ARID1B: variants seen among roughly 807,000 people sequenced by gnomAD.
ARID1B encodes the protein AT-rich interactive domain-containing protein 1B.
In ARID1B, 30 loss-of-function variants were observed where a neutral mutation model predicts 212.3. The ratio of observed to expected loss-of-function variants is 0.14; its 90% CI spans 0.11 to 0.19. ARID1B has a LOEUF of 0.19. ARID1B is among the 10% of genes least tolerant of loss of function. ARID1B has a pLI of 1.00. For synonymous variants in ARID1B, 1,402 were observed against 1,301.7 expected, an observed-to-expected ratio of 1.08 and a Z score of -1.66; for missense variants, 2,891 against 3,204.0, an observed-to-expected ratio of 0.90 and a Z score of 2.36.
intron 5 of ARID1B, among the ~76,000 whole-genome samples, chr6:157,089,786 C>A (rs187639496): frequency 2.0e-5 from 3 of 152,124 alleles, no homozygotes; most frequent in Admixed American, 1.3e-4. Flanking sequence ...ATATACTATA[C>A]ATTTAAATTA....
intron 2 of ARID1B, 117 bp from the exon 3 acceptor site, chr6:156,901,259 A>G: frequency 1.8e-6 from 2 of 1,142,176 alleles, no homozygotes. Flanking sequence ...GATTAGAAAT[A>G]TTGAGTTTAG....
intron 1 of ARID1B, among the ~76,000 whole-genome samples, chr6:156,801,910 A>G (rs1421669051): frequency 6.6e-6 from 1 of 152,214 alleles, no homozygotes; most frequent in African/African-American, 2.4e-5. Flanking sequence ...TGGTGTGGAA[A>G]AAAAATCGAA....
chr6:156,997,888 A>C (rs1778689391), intron 4 of ARID1B, among the ~76,000 whole-genome samples: 1 of 152,226 alleles, frequency 6.6e-6, no homozygotes, highest in South Asian at 2.1e-4. Context: ...TAAAGACATC[A>C]TTATCCCAGG....
chr6:156,995,672 C>T (rs968421741), intron 4 of ARID1B, among the ~76,000 whole-genome samples: 3 of 152,142 alleles, frequency 2.0e-5, no homozygotes, highest in African/African-American at 7.2e-5. Flanking sequence ...TGACAGAGTG[C>T]CCAAATATTC....
In ARID1B at chr6:156,794,901, G is replaced by A. The variant is rs571243991; in HGVS notation, c.1791+15430G>A. The stretch of plus-strand genomic sequence containing the variant: ...CCTGGCCCACATTCTTATAATTCAG[G>A]AGCTTTTAGTGTATTTTGGCTCTGT... On this transcript the variant is annotated intron_variant, in intron 1 of 19. Coordinates refer to ENST00000636930, the MANE Select transcript of ARID1B (RefSeq NM_001374828.1). Among the ~76,000 whole-genome samples the A allele has an allele frequency of 4.6e-5, 7 of 152,184 alleles. No individual in the cohort carries two copies. In the South Asian group the frequency reaches 1.5e-3, roughly 32 times the overall value.
At chr6:156,891,413 T>C (rs1012495210) in intron 2 of ARID1B, among the ~76,000 whole-genome samples, 1 of 151,996 alleles carries the variant, frequency 6.6e-6, no homozygotes, top group Non-Finnish European at 1.5e-5. Flanking sequence ...GTTATACTTT[T>C]TGATAACTCT....
chr6:156,984,182 A>T lies in ARID1B; in HGVS notation c.2247+48606A>T, dbSNP rs147336759. On this transcript the variant is annotated intron_variant, in intron 4 of 19. Transcript: ENST00000636930. ...CAGGAGGTATCAGGACAAACCTTGG[A>T]GATGGGAAACAGCACAGCAAGGCAT... Among the ~76,000 whole-genome samples the T allele has an allele frequency of 4.7e-3, 715 of 152,226 alleles. 6 individuals carry two copies. The highest frequency in any genetic ancestry group is 0.017 in the Middle Eastern group (5 of 294).
chr6:157,205,391 G>A (rs1479681359), intron 19 of ARID1B: 2 of 152,242 alleles, frequency 1.3e-5, no homozygotes, highest in African/African-American at 4.8e-5. Context: ...AGAGAGGGCA[G>A]TTGCTAATCG....
At position 157,091,898 on chromosome 6, in the gene ARID1B, G is replaced by T. The variant is rs564447672; in HGVS notation, c.2491+6993G>T. 2.6e-5 allele frequency among the ~76,000 whole-genome samples: 4 copies of T among 152,232 alleles called. No homozygotes were observed. The South Asian group carries it at 8.3e-4, about 32-fold the overall frequency. On this transcript the variant is annotated intron_variant, in intron 5 of 19. Coordinates refer to ENST00000636930, the MANE Select transcript of ARID1B (RefSeq NM_001374828.1). ...TTGTACTGACAGAAATTTTTTATTT[G>T]AAAGTCTGCATAATCATCTTACCTA...
At chr6:156,819,450 C>T (rs1278990494) in intron 1 of ARID1B, among the ~76,000 whole-genome samples, 2 of 152,152 alleles carry the variant, frequency 1.3e-5, no homozygotes, top group Admixed American at 6.5e-5. Context: ...AAAATTATTA[C>T]ATTTGCTAAA....
chr6:157,181,308 T>C, intron 12 of ARID1B, 130 bp downstream of exon 12: 1 of 1,171,024 alleles, frequency 8.5e-7, no homozygotes, highest in Non-Finnish European at 1.2e-6. Context: ...AAAGTCGCCT[T>C]CTTGCAACCC....
intron 4 of ARID1B, among the ~76,000 whole-genome samples, chr6:156,987,196 A>ACC (rs1777976123): frequency 7.1e-6 from 1 of 141,726 alleles, no homozygotes; most frequent in Non-Finnish European, 1.6e-5. Flanking sequence ...AGAGAGAGAG[A>ACC]GACCCTGTCT....
chr6:156,900,615 G>A (rs1016101492), intron 2 of ARID1B, among the ~76,000 whole-genome samples: 1 of 152,088 alleles, frequency 6.6e-6, no homozygotes, highest in Non-Finnish European at 1.5e-5. Flanking sequence ...ACAGAAAAAG[G>A]CAATAGATTT....
intron 2 of ARID1B, among the ~76,000 whole-genome samples, chr6:156,883,620 C>G (rs10457100): frequency 0.023 from 3,544 of 152,246 alleles, 65 homozygotes; most frequent in South Asian, 0.054. Context: ...GCCCACGCTC[C>G]CCACAGCATG....
At chr6:157,082,247 A>C (rs1583275174) in intron 4 of ARID1B, among the ~76,000 whole-genome samples, 1 of 152,288 alleles carries the variant, frequency 6.6e-6, no homozygotes, top group Non-Finnish European at 1.5e-5. Flanking sequence ...CCCCCAAGGA[A>C]TAGGCAAAGG....
chr6:156,971,866 T>G (rs1776953987), intron 4 of ARID1B, among the ~76,000 whole-genome samples: 1 of 152,168 alleles, frequency 6.6e-6, no homozygotes, highest in Non-Finnish European at 1.5e-5. Flanking sequence ...GGGCCTTAAT[T>G]ATATCCTCAG....
At chr6:156,911,856 A>G (rs1380813614) in intron 3 of ARID1B, among the ~76,000 whole-genome samples, 1 of 152,196 alleles carries the variant, frequency 6.6e-6, no homozygotes, top group African/African-American at 2.4e-5. Flanking sequence ...CATAGAATCC[A>G]TGGGATCAAT....
chr6:157,097,489 G>A (rs1785724237), intron 5 of ARID1B, among the ~76,000 whole-genome samples: 1 of 151,038 alleles, frequency 6.6e-6, no homozygotes, highest in Admixed American at 6.6e-5. Flanking sequence ...AAGCGCTCAC[G>A]TGCTATATTC....
chr6:157,060,721 A>G (rs1783292345), intron 4 of ARID1B, among the ~76,000 whole-genome samples: 1 of 146,750 alleles, frequency 6.8e-6, no homozygotes, highest in South Asian at 2.1e-4. Context: ...CAGATTCACA[A>G]TCCTGAGATG....
Sources: gnomAD v4.1 joint callset for allele counts (sites outside exome capture counted in the v4.1 genomes callset) on GRCh38, gnomAD v4.1.1 for gene constraint, MANE v1.5 for transcripts, NCBI Gene and HGNC (gene_info 2026-07-23, HGNC 2026-07-21) for gene names.